The following FBXO25 variants were observed in gnomAD, a reference collection of about 807,000 sequenced individuals.
FBXO25 encodes the protein F-box protein 25.
FBXO25 carries 45 observed loss-of-function variants against 51.9 expected under a neutral mutation model. The observed-to-expected ratio is 0.87, with a 90% CI of 0.68 to 1.11. FBXO25 has a LOEUF of 1.11. Among genes scored for constraint, FBXO25 ranks in the 50% most tolerant of loss-of-function variants. FBXO25 has a pLI of 0.00. For synonymous variants in FBXO25, 199 were observed against 151.0 expected, an observed-to-expected ratio of 1.32 and a Z score of -2.33; for missense variants, 507 against 428.5, an observed-to-expected ratio of 1.18 and a Z score of -1.62.
In FBXO25 at chr8:476,249, C is replaced by G. The variant is rs1800639830; in HGVS notation, c.*7445C>G. On this transcript the variant is annotated 3_prime_UTR_variant, in exon 10 of 10. Coordinates refer to ENST00000350302, the MANE Select transcript of FBXO25 (RefSeq NM_183420.2). ...CATGATGTGTAATCCTTTCAATGTC[C>G]CACTGAATCCTGTTGGCCAGTATTT... 6.6e-6 allele frequency: 1 copy of G among 151,968 alleles called. No individual in the cohort carries two copies. The highest frequency in any genetic ancestry group is 2.4e-5 in the African/African-American group (1 of 41,360). The allele number at this position is 151,968 out of a possible 1,614,324, so 9.4% of individuals were successfully genotyped here.
intron 5 of FBXO25, among the ~76,000 whole-genome samples, chr8:448,761 C>T (rs1246324324): frequency 6.6e-6 from 1 of 152,076 alleles, no homozygotes; most frequent in African/African-American, 2.4e-5. Flanking sequence ...ATGTTATTCA[C>T]TAAAATCAAG....
rs756400332 is a variant in FBXO25 at position 468,748 on chromosome 8, G to C, written c.1021G>C (p.Asp341His). 6.2e-7 allele frequency: 1 copy of C among 1,614,032 alleles called. No individual in the cohort carries two copies. The highest frequency in any genetic ancestry group is 8.5e-7 in the Non-Finnish European group (1 of 1,180,012). ...ACACCCCTGCACGGCGGCCGACCCT[G>C]ACAGCTGCTTCACGCCTGTGTCTCC... Reference protein sequence around the residue: ...SGHPCTAADPDSCFTPVSPQH... With the variant: ...SGHPCTAADPHSCFTPVSPQH... Residue 341 changes from aspartate (D) to histidine (H), a missense_variant, in exon 10 of 10, where the codon GAC becomes CAC. Physicochemically the swap from Asp to His is moderately conservative, Grantham distance 81. Coordinates refer to ENST00000350302, the MANE Select transcript of FBXO25 (RefSeq NM_183420.2).
At chr8:432,672 C>T (rs1797884056) in intron 3 of FBXO25, among the ~76,000 whole-genome samples, 1 of 152,140 alleles carries the variant, frequency 6.6e-6, no homozygotes, top group Non-Finnish European at 1.5e-5. Flanking sequence ...TTCTAAGTTA[C>T]TAGGACTTGG....
chr8:466,608 G>A (rs1363814228), intron 9 of FBXO25, among the ~76,000 whole-genome samples: 2 of 152,182 alleles, frequency 1.3e-5, no homozygotes, highest in Non-Finnish European at 2.9e-5. Context: ...CCGACACCAT[G>A]GTGCATCTGT....
intron 2 of FBXO25, among the ~76,000 whole-genome samples, chr8:417,023 G>A (rs139742103): frequency 6.6e-6 from 1 of 152,282 alleles, no homozygotes; most frequent in African/African-American, 2.4e-5. Flanking sequence ...GATATCTGAG[G>A]GCAGGGCCTC....
At chr8:416,490 G>A (rs751057198) in intron 2 of FBXO25, among the ~76,000 whole-genome samples, 4 of 152,216 alleles carry the variant, frequency 2.6e-5, no homozygotes, top group Non-Finnish European at 5.9e-5. Flanking sequence ...GAACAGTTAA[G>A]TGTGTTGCCC....
intron 2 of FBXO25, among the ~76,000 whole-genome samples, chr8:421,409 G>T (rs970234395): frequency 6.6e-6 from 1 of 152,182 alleles, no homozygotes; most frequent in Non-Finnish European, 1.5e-5. Context: ...TTGGAAAACA[G>T]TGTTTTGACA....
intron 1 of FBXO25, chr8:407,438 G>C (rs1796223985): frequency 1.0e-6 from 1 of 984,580 alleles, no homozygotes. Context: ...GCGGCCGGCG[G>C]GTGTGGAGGG....
At chr8:432,122 T>C (rs538969816) in intron 3 of FBXO25, among the ~76,000 whole-genome samples, 1 of 152,354 alleles carries the variant, frequency 6.6e-6, no homozygotes, top group South Asian at 2.1e-4. Context: ...ATCACTGCTC[T>C]TGCACTTTGG....
At chr8:449,107 C>T (rs1311074811) in intron 5 of FBXO25, among the ~76,000 whole-genome samples, 3 of 152,102 alleles carry the variant, frequency 2.0e-5, no homozygotes, top group African/African-American at 7.2e-5. Flanking sequence ...CAGATTGAAT[C>T]AAAAAGTGAA....
chr8:427,009 T>A (rs1177533235), intron 2 of FBXO25, among the ~76,000 whole-genome samples: 1 of 152,136 alleles, frequency 6.6e-6, no homozygotes, highest in East Asian at 1.9e-4. Flanking sequence ...AATTAGAGAC[T>A]AATAATACAC....
At chr8:428,705 C>G (rs1157625134) in intron 2 of FBXO25, among the ~76,000 whole-genome samples, 1 of 152,138 alleles carries the variant, frequency 6.6e-6, no homozygotes, top group Non-Finnish European at 1.5e-5. Context: ...TTTCATTCTC[C>G]AGCACCCCCA....
At chr8:458,612 A>G in intron 8 of FBXO25, 61 bp downstream of exon 8, 3 of 1,525,204 alleles carry the variant, frequency 2.0e-6, no homozygotes, top group South Asian at 1.2e-5. Context: ...CCTGGGGGCC[A>G]TACCCTATAA....
intron 2 of FBXO25, among the ~76,000 whole-genome samples, chr8:415,105 C>G (rs757849384): frequency 3.3e-5 from 5 of 152,238 alleles, no homozygotes; most frequent in South Asian, 4.1e-4. Flanking sequence ...ATGGCCTTCT[C>G]TTTCCCCCAC....
chr8:452,293 C>T (rs1470802270), intron 7 of FBXO25, among the ~76,000 whole-genome samples: 1 of 152,174 alleles, frequency 6.6e-6, no homozygotes, highest in Non-Finnish European at 1.5e-5. Flanking sequence ...CATTCAGCGT[C>T]AGTAAGAGTT....
At chr8:428,344 A>G (rs1797615998) in intron 2 of FBXO25, among the ~76,000 whole-genome samples, 1 of 152,090 alleles carries the variant, frequency 6.6e-6, no homozygotes, top group South Asian at 2.1e-4. Context: ...AAGTTTATGG[A>G]AACTCTGTGT....
chr8:408,404 A>C (rs1294541161), intron 1 of FBXO25, among the ~76,000 whole-genome samples: 5 of 152,252 alleles, frequency 3.3e-5, no homozygotes, highest in Admixed American at 1.3e-4. Flanking sequence ...TATTATAAAC[A>C]TAGTGGTTAG....
chr8:468,038 A>G (rs1013879968), intron 9 of FBXO25: 121 of 1,281,242 alleles, frequency 9.4e-5, no homozygotes, highest in Non-Finnish European at 1.1e-4. Flanking sequence ...CTGCCAGGGC[A>G]TGCCATGGAG....
Position 468,717 on chromosome 8 carries a change from C to T in FBXO25, c.990C>T (p.Asp330=). 6.2e-7 allele frequency: 1 copy of T among 1,613,840 alleles called. No individual in the cohort carries two copies. The highest frequency in any genetic ancestry group is 8.5e-7 in the Non-Finnish European group (1 of 1,179,890). The change falls in exon 10 of 10, where the codon GAC becomes GAT. Residue 330 remains aspartate (D), a splice_region_variant and synonymous_variant. Coordinates refer to ENST00000350302, the MANE Select transcript of FBXO25 (RefSeq NM_183420.2). The stretch of plus-strand genomic sequence containing the variant: ...AACCATCTCCCACCTCCCCACAGGA[C>T]TCAGGACACCCCTGCACGGCGGCCG... ...CRHCSILFWK[D]SGHPCTAADP...
Sources: gnomAD v4.1 joint callset for allele counts (sites outside exome capture counted in the v4.1 genomes callset) on GRCh38, gnomAD v4.1.1 for gene constraint, MANE v1.5 for transcripts, NCBI Gene and HGNC (gene_info 2026-07-23, HGNC 2026-07-21) for gene names.